REV1: variants seen among roughly 807,000 people sequenced by gnomAD.
REV1 encodes the protein REV1 DNA directed polymerase, also known as translesion synthesis protein REV1.
Under a neutral mutation model 137.4 loss-of-function variants are expected in REV1, and 42 were observed. That is an observed-to-expected ratio of 0.31 (90% confidence interval 0.24 to 0.40). The LOEUF is 0.40. REV1 is among the 10% of genes least tolerant of loss of function. The pLI, the probability that REV1 is intolerant of heterozygous loss-of-function variation, is 1.00. For synonymous variants in REV1, 524 were observed against 519.2 expected (o/e 1.01, Z -0.12); for missense variants, 1,282 against 1,490.1 (o/e 0.86, Z 2.30).
At chr2:99,402,615 T>C in intron 21 of REV1, 29 bp downstream of exon 21, 1 of 1,603,708 alleles carries the variant, frequency 6.2e-7, no homozygotes, top group Non-Finnish European at 8.5e-7. Flanking sequence ...CATCTCAGCC[T>C]TGGGCCATCT....
chr2:99,447,287 C>G (rs1437400927), intron 4 of REV1, among the ~76,000 whole-genome samples: 1 of 152,034 alleles, frequency 6.6e-6, no homozygotes, highest in Non-Finnish European at 1.5e-5. Context: ...ATTCTCCTGC[C>G]TCAGCCTCCC....
rs138841435 is a variant in REV1 at position 99,485,617 on chromosome 2, T to A, written c.-11+4200A>T. Reference sequence around the variant, plus strand: ...GGGAACTCTATAAAAGCCACTCTGGTGGGCGGTTGTTGAGATAATCACTCT... The same window carrying A: ...GGGAACTCTATAAAAGCCACTCTGGAGGGCGGTTGTTGAGATAATCACTCT... On this transcript the variant is annotated intron_variant, in intron 1 of 22. Transcript: ENST00000258428. 2.6e-5 allele frequency among the ~76,000 whole-genome samples: 4 copies of A among 152,350 alleles called. No individual in the cohort carries two copies. In the East Asian group the frequency reaches 7.7e-4, roughly 29 times the overall value.
At chr2:99,479,050 C>T (rs1209724101) in intron 1 of REV1, among the ~76,000 whole-genome samples, 2 of 152,128 alleles carry the variant, frequency 1.3e-5, no homozygotes, top group East Asian at 1.9e-4. Context: ...AGGCGACAGG[C>T]TGGGCACAGT....
At chr2:99,454,815 A>G (rs940615311) in intron 3 of REV1, among the ~76,000 whole-genome samples, 1 of 152,194 alleles carries the variant, frequency 6.6e-6, no homozygotes, top group African/African-American at 2.4e-5. Context: ...ATGCAACTAA[A>G]TTTGAGGTTT....
At chr2:99,401,443 CAA>C (rs528664310) in intron 22 of REV1, 91 bp from the exon 23 acceptor site, 11,515 of 549,172 alleles carry the variant, frequency 0.021, no homozygotes, top group East Asian at 0.031. Flanking sequence ...TTGACTTTGG[CAA>C]AAAAAAAAAA....
intron 6 of REV1, 72 bp downstream of exon 6, chr2:99,438,528 AC>A: frequency 9.0e-7 from 1 of 1,111,216 alleles, no homozygotes; most frequent in Non-Finnish European, 1.3e-6. Context: ...GACCAGAAAT[AC>A]CAATAATAGC....
At chr2:99,485,955 T>C (rs953710121) in intron 1 of REV1, among the ~76,000 whole-genome samples, 5 of 152,042 alleles carry the variant, frequency 3.3e-5, no homozygotes, top group African/African-American at 1.2e-4. Flanking sequence ...TAGGACCCCA[T>C]CTTTACAAAA....
intron 1 of REV1, among the ~76,000 whole-genome samples, chr2:99,465,468 A>T (rs1353075862): frequency 1.3e-5 from 2 of 152,220 alleles, no homozygotes; most frequent in Non-Finnish European, 2.9e-5. Flanking sequence ...GCCCTAGAAG[A>T]AGTCAATTAA....
chr2:99,424,004 C>A (rs1006781832), intron 10 of REV1, 148 bp downstream of exon 10: 11 of 809,518 alleles, frequency 1.4e-5, no homozygotes, highest in Non-Finnish European at 2.0e-5. Flanking sequence ...AAAGAAAGGT[C>A]TCAAACTGGG....
intron 7 of REV1, 98 bp downstream of exon 7, chr2:99,435,736 G>GA (rs1680663915): frequency 1.6e-6 from 1 of 631,044 alleles, no homozygotes; most frequent in East Asian, 3.3e-5. Context: ...TTTTCCCAAG[G>GA]AAAATCATAA....
intron 1 of REV1, among the ~76,000 whole-genome samples, chr2:99,484,705 A>C (rs1686966472): frequency 6.6e-6 from 1 of 152,192 alleles, no homozygotes; most frequent in Non-Finnish European, 1.5e-5. Context: ...AAAAAAAACA[A>C]AAAATTAGCC....
At position 99,406,334 on chromosome 2, in the gene REV1, G is replaced by T. The variant is rs77044933; in HGVS notation, c.2605C>A (p.His869Asn). Reference protein sequence around the residue: ...QKAKKSTEEEHKEVFRAAVDL... With the variant: ...QKAKKSTEEENKEVFRAAVDL... ...ATTGATGACCACCAACCTTCTTTGT[G>T]CTCCTCTTCGGTGGATTTCTTAGCT... The change falls in exon 16 of 23, where the codon CAC (histidine) becomes AAC (asparagine). Residue 869 changes from histidine to asparagine, a missense_variant. This residue lies in a region of REV1 where 372 missense variants were observed against 482.3 expected (regional missense o/e 0.77). Coordinates refer to ENST00000258428, the MANE Select transcript of REV1 (RefSeq NM_016316.4). 1 of 1,610,924 alleles carries T rather than the reference G, an allele frequency of 6.2e-7. No homozygotes were observed. Among genetic ancestry groups the T allele is most frequent in the East Asian group, 2.2e-5 (1 of 44,832 alleles).
At chr2:99,475,189 A>G (rs867303463) in intron 1 of REV1, among the ~76,000 whole-genome samples, 69 of 152,208 alleles carry the variant, frequency 4.5e-4, no homozygotes, top group African/African-American at 1.5e-3. Flanking sequence ...GGTCATTTAT[A>G]ACCTGATGCG....
chr2:99,412,604 C>G (rs1677331626), intron 13 of REV1, 127 bp downstream of exon 13: 1 of 734,472 alleles, frequency 1.4e-6, no homozygotes, highest in Admixed American at 2.4e-5. Flanking sequence ...CTTCTTAAGG[C>G]TCTGGGGATA....
intron 22 of REV1, among the ~76,000 whole-genome samples, chr2:99,401,808 G>A (rs28745279): frequency 0.18 from 27,606 of 152,022 alleles, 3,318 homozygotes; most frequent in African/African-American, 0.33. Flanking sequence ...ACAAGCTGTC[G>A]ATCAGGCTGG....
intron 4 of REV1, among the ~76,000 whole-genome samples, chr2:99,445,292 T>C (rs140465755): frequency 1.9e-3 from 290 of 152,332 alleles, no homozygotes; most frequent in African/African-American, 6.8e-3. Context: ...CAAACGTATA[T>C]GGTTTGGGAG....
intron 6 of REV1, 111 bp downstream of exon 6, chr2:99,438,486 ATACT>A (rs1468903696): frequency 2.3e-5 from 16 of 702,394 alleles, no homozygotes; most frequent in South Asian, 5.6e-5. Flanking sequence ...ATGATTTGAC[ATACT>A]TAGAGACTTT....
intron 3 of REV1, among the ~76,000 whole-genome samples, chr2:99,459,046 A>C: frequency 6.6e-6 from 1 of 152,110 alleles, no homozygotes; most frequent in East Asian, 1.9e-4. Flanking sequence ...GTCTCTACTA[A>C]AAATACAAAA....
intron 4 of REV1, 107 bp from the exon 5 acceptor site, chr2:99,442,576 C>G: frequency 9.9e-7 from 1 of 1,013,650 alleles, no homozygotes; most frequent in Non-Finnish European, 1.5e-6. Flanking sequence ...AACAACAGGT[C>G]ATCTGTTTTC....
Sources: allele counts gnomAD v4.1 joint callset (sites outside exome capture counted in the v4.1 genomes callset), GRCh38; gene constraint gnomAD v4.1.1; regional missense constraint gnomAD v4.1.1; transcripts MANE v1.5; gene names NCBI Gene and HGNC (gene_info 2026-07-23, HGNC 2026-07-21).